The following FADS1 variants were observed in gnomAD, a reference collection of about 807,000 sequenced individuals.
The protein encoded by FADS1 is fatty acid desaturase 1.
A neutral mutation model predicts 61.6 loss-of-function variants in FADS1; 17 were observed. That is an observed-to-expected ratio of 0.28 (90% confidence interval 0.19 to 0.41). FADS1 has a LOEUF of 0.41. Ranked by LOEUF, FADS1 falls within the 10% of genes least tolerant of loss-of-function variation. The pLI, the probability that FADS1 is intolerant of heterozygous loss-of-function variation, is 1.00. For synonymous variants in FADS1, 238 were observed against 258.7 expected (o/e 0.92, Z 0.77); for missense variants, 387 against 650.9 (o/e 0.59, Z 4.41).
Position 61,802,661 on chromosome 11 carries a change from A to C in FADS1, c.1454+140T>G. On this transcript the variant is annotated intron_variant, in intron 11 of 11. Coordinates refer to ENST00000350997, the MANE Select transcript of FADS1 (RefSeq NM_013402.7). The surrounding 1 kb of genome is among the most constrained non-coding windows in gnomAD (Gnocchi z 4.2). ...TGACCTGGCCACAGGTCCAATAAAG[A>C]ATCCTGCCTTTGCCATGGTGAACTC... 7.4e-7 allele frequency: 1 copy of C among 1,348,292 alleles called. No individual in the cohort carries two copies. Among genetic ancestry groups the C allele is most frequent in the Admixed American group, 1.9e-5 (1 of 52,818 alleles). 83.5% of individuals were successfully genotyped at this position (1,348,292 alleles called of 1,614,324 possible).
intron 1 of FADS1, chr11:61,814,690 T>A (rs536760277): frequency 1.3e-4 from 20 of 152,332 alleles, no homozygotes; most frequent in South Asian, 2.1e-4. Context: ...GTCTTAGTTG[T>A]CCCTGCCCAC....
chr11:61,816,418 GGGCAACA>G lies in FADS1; in HGVS notation c.375+130_375+136del. 6.3e-7 allele frequency: 1 copy of G among 1,598,684 alleles called. No homozygotes were observed. On this transcript the variant is annotated intron_variant, in intron 1 of 11. Transcript: ENST00000350997. The surrounding 1 kb of genome is among the most constrained non-coding windows in gnomAD (Gnocchi z 7.0). ...CGCATCCGCAGGACACCCAATCACC[GGGCAACA>G]GGTATGATCAGGCGCCTCCGGGCTT... is the stretch of plus-strand genomic sequence containing the variant.
chr11:61,815,974 C>T lies in FADS1; in HGVS notation c.375+581G>A. ...CGGCCAGCGCTGTCCCTTCCGCGTC[C>T]TCCAGTCTTCACACGACGCAGGGGT... On this transcript the variant is annotated intron_variant, in intron 1 of 11. Coordinates refer to ENST00000350997, the MANE Select transcript of FADS1 (RefSeq NM_013402.7). This position sits in a 1 kb window ranked among gnomAD's most constrained non-coding sequence, Gnocchi z 6.4. The T allele has an allele frequency of 2.2e-6, 1 of 447,594 alleles. No homozygotes were observed. The highest frequency in any genetic ancestry group is 2.7e-5 in the South Asian group (1 of 37,656). The allele number at this position is 447,594 out of a possible 1,614,324, so 27.7% of individuals were successfully genotyped here. A position where few individuals can be genotyped will look rare whatever the true frequency, so the allele number is the denominator to read the frequency against.
chr11:61,802,443 G>T lies in FADS1; in HGVS notation c.1474C>A (p.Gln492Lys). The T allele has an allele frequency of 1.3e-6, 2 of 1,566,970 alleles. No individual in the cohort carries two copies. Among genetic ancestry groups the T allele is most frequent in the Non-Finnish European group, 1.7e-6 (2 of 1,154,618 alleles). ...TGAAGATAGGCATCTAGCCAGAGCTGCCCTGACTCCTTTAGTGAGCTGCAG... is the reference window on the plus strand; with the variant it reads ...TGAAGATAGGCATCTAGCCAGAGCTTCCCTGACTCCTTTAGTGAGCTGCAG... ...DIIHSLKESGQLWLDAYLHQ is the reference protein window; with the variant it reads ...DIIHSLKESGKLWLDAYLHQ Residue 492 changes from glutamine (Q) to lysine (K), a missense_variant, in exon 12 of 12, where the codon CAG (glutamine) becomes AAG (lysine). Coordinates refer to ENST00000350997, the MANE Select transcript of FADS1 (RefSeq NM_013402.7). This position sits in a 1 kb window ranked among gnomAD's most constrained non-coding sequence, Gnocchi z 4.2.
At chr11:61,805,473 A>G (rs2066886561) in intron 6 of FADS1, 1 of 152,150 alleles carries the variant, frequency 6.6e-6, no homozygotes, top group African/African-American at 2.4e-5. Context: ...GTGGCACCTG[A>G]TGCTACCCAT....
At chr11:61,813,222 A>C (rs2066944450) in intron 2 of FADS1, 21 bp downstream of exon 2, 2 of 1,443,036 alleles carry the variant, frequency 1.4e-6, no homozygotes, top group Non-Finnish European at 2.0e-6. Flanking sequence ...TAGTTGCGAC[A>C]TAGCAAACAC....
chr11:61,813,482 A>G, intron 1 of FADS1, 129 bp from the exon 2 acceptor site: 1 of 649,246 alleles, frequency 1.5e-6, no homozygotes, highest in South Asian at 1.9e-5. Context: ...GTGAAGCCAG[A>G]TGGACTTCCT....
chr11:61,812,429 T>C (rs1363911948), intron 3 of FADS1, 42 bp downstream of exon 3: 1 of 1,589,432 alleles, frequency 6.3e-7, no homozygotes, highest in Non-Finnish European at 8.6e-7. Context: ...TCCCCAGGGA[T>C]GCTGAGCATT....
Position 61,801,180 on chromosome 11 carries a change from A to G in FADS1, c.*1231T>C, listed in dbSNP as rs572872129. 10 of 152,402 alleles carry G rather than the reference A, an allele frequency of 6.6e-5. No homozygotes were observed. Among genetic ancestry groups the G allele is most frequent in the Non-Finnish European group, 1.3e-4 (9 of 68,046 alleles). The allele number at this position is 152,402 out of a possible 1,614,324, so 9.4% of individuals were successfully genotyped here. ...TTTAGGTTATAGAAAGTTTCTACTT[A>G]TAGCCCTTACATTCTTTATGACCGA... On this transcript the variant is annotated 3_prime_UTR_variant, in exon 12 of 12. Transcript: ENST00000350997.
At position 61,803,588 on chromosome 11, in the gene FADS1, G is replaced by A. The variant is rs1370562924; in HGVS notation, c.1151+82C>T. On this transcript the variant is annotated intron_variant, in intron 8 of 11. Transcript: ENST00000350997. The surrounding 1 kb of genome is among the most constrained non-coding windows in gnomAD (Gnocchi z 4.3). ...CCTGAAACACCCACTGTTACCCAAAGCCCCAGCACGGCCCCTAGACCAGAC... is the reference window on the plus strand; with the variant it reads ...CCTGAAACACCCACTGTTACCCAAAACCCCAGCACGGCCCCTAGACCAGAC... The A allele has an allele frequency of 7.2e-7, 1 of 1,380,676 alleles. No individual in the cohort carries two copies. Among genetic ancestry groups the A allele is most frequent in the Non-Finnish European group, 1.0e-6 (1 of 968,076 alleles). The allele number at this position is 1,380,676 out of a possible 1,614,324, so 85.5% of individuals were successfully genotyped here.
chr11:61,816,344 C>A lies in FADS1; in HGVS notation c.375+211G>T. The A allele has an allele frequency of 6.3e-7, 1 of 1,598,396 alleles. No individual in the cohort carries two copies. Among genetic ancestry groups the A allele is most frequent in the Non-Finnish European group, 8.5e-7 (1 of 1,179,784 alleles). ...GTGTGCGTGTTGTTGGCCTCCATCC[C>A]CACTCCCCAGACTCCACTTCTCCAG... On this transcript the variant is annotated intron_variant, in intron 1 of 11. Transcript: ENST00000350997. This position sits in a 1 kb window ranked among gnomAD's most constrained non-coding sequence, Gnocchi z 7.0.
At position 61,799,798 on chromosome 11, in the gene FADS1, G is replaced by C. The variant is rs2066842381; in HGVS notation, c.*2613C>G. On this transcript the variant is annotated 3_prime_UTR_variant, in exon 12 of 12. Transcript: ENST00000350997. ...AGAAGTTGGAGTTGTAAAAAAGTGA[G>C]TTGGAATTCATGCTGCCATGATCTA... 1 of 152,726 alleles carries C rather than the reference G, an allele frequency of 6.5e-6. No individual in the cohort carries two copies. Among genetic ancestry groups the C allele is most frequent in the Non-Finnish European group, 1.5e-5 (1 of 68,040 alleles). The allele number at this position is 152,726 out of a possible 1,614,324, so 9.5% of individuals were successfully genotyped here. A position where few individuals can be genotyped will look rare whatever the true frequency, so the allele number is the denominator to read the frequency against.
chr11:61,813,415 C>T (rs2066945830), intron 1 of FADS1, 62 bp from the exon 2 acceptor site: 12 of 974,548 alleles, frequency 1.2e-5, no homozygotes, highest in South Asian at 5.4e-5. Context: ...CGGCAGTGTT[C>T]GCACCAAAGG....
At position 61,812,685 on chromosome 11, in the gene FADS1, G is replaced by A; in HGVS notation, c.487-17C>T. ...CAGCTCTTTCTGCAGAAGAGGAAGA[G>A]GAGCTGTTATTCTTCTCATCTGCAC... On this transcript the variant is annotated splice_polypyrimidine_tract_variant and intron_variant, in intron 2 of 11. Transcript: ENST00000350997. The A allele has an allele frequency of 1.2e-6, 2 of 1,609,664 alleles. No individual in the cohort carries two copies. The highest frequency in any genetic ancestry group is 2.2e-5 in the East Asian group (1 of 44,718).
In FADS1 at chr11:61,806,736, A is replaced by G; in HGVS notation, c.916-12T>C. On this transcript the variant is annotated splice_polypyrimidine_tract_variant and intron_variant, in intron 5 of 11. Coordinates refer to ENST00000350997, the MANE Select transcript of FADS1 (RefSeq NM_013402.7). ...TTCTGTTTCCCAAGCTGTGAAGAAA[A>G]GCAAACACATGAGCATTCGGAGACC... 2 of 1,613,740 alleles carry G rather than the reference A, an allele frequency of 1.2e-6. No individual in the cohort carries two copies. Among genetic ancestry groups the G allele is most frequent in the Non-Finnish European group, 1.7e-6 (2 of 1,179,578 alleles).
chr11:61,813,838 G>A (rs550683630), intron 1 of FADS1, among the ~76,000 whole-genome samples: 21 of 151,760 alleles, frequency 1.4e-4, no homozygotes, highest in African/African-American at 4.3e-4. Flanking sequence ...GGTAGCGGGC[G>A]CCTGTAGTCC....
chr11:61,806,388 G>A, intron 6 of FADS1: 2 of 449,572 alleles, frequency 4.4e-6, no homozygotes, highest in East Asian at 3.6e-5. Context: ...GATAAAGCAA[G>A]AGGCCCCTCT....
At chr11:61,813,924 G>C (rs1234770712) in intron 1 of FADS1, among the ~76,000 whole-genome samples, 1 of 146,046 alleles carries the variant, frequency 6.8e-6, no homozygotes, top group Non-Finnish European at 1.5e-5. Flanking sequence ...AGCCGAGATC[G>C]CGCCACTGCA....
rs749299855 is a variant in FADS1 at position 61,803,138 on chromosome 11, T to C, written c.1249-27A>G. ...TGGCGGAAAAGGTCAGGGGAGAGCATGTTGAATATCAGATGGAAAGGCCAG... is the reference window on the plus strand; with the variant it reads ...TGGCGGAAAAGGTCAGGGGAGAGCACGTTGAATATCAGATGGAAAGGCCAG... On this transcript the variant is annotated intron_variant, in intron 9 of 11. Coordinates refer to ENST00000350997, the MANE Select transcript of FADS1 (RefSeq NM_013402.7). This position sits in a 1 kb window ranked among gnomAD's most constrained non-coding sequence, Gnocchi z 4.3. 3 of 1,610,050 alleles carry C rather than the reference T, an allele frequency of 1.9e-6. No individual in the cohort carries two copies. Among genetic ancestry groups the C allele is most frequent in the South Asian group, 1.1e-5 (1 of 90,952 alleles).
Sources: allele counts gnomAD v4.1 joint callset (sites outside exome capture counted in the v4.1 genomes callset), GRCh38; gene constraint gnomAD v4.1.1; non-coding constraint Gnocchi (gnomAD v3.1); transcripts MANE v1.5; gene names NCBI Gene and HGNC (gene_info 2026-07-23, HGNC 2026-07-21).